HS6ST3: variants seen among roughly 807,000 people sequenced by gnomAD.
HS6ST3 encodes heparan sulfate 6-O-sulfotransferase 3, also known as heparan-sulfate 6-O-sulfotransferase 3.
In HS6ST3, 12 loss-of-function variants were observed where a neutral mutation model predicts 36.7. The observed-to-expected ratio is 0.33, with a 90% CI of 0.21 to 0.53. HS6ST3 has a LOEUF of 0.53. Among genes scored for constraint, HS6ST3 ranks in the 20% least tolerant of loss-of-function variants. HS6ST3 has a pLI of 0.95. For synonymous variants in HS6ST3, 240 were observed against 257.5 expected (o/e 0.93, Z 0.65); for missense variants, 584 against 640.9 (o/e 0.91, Z 0.96).
At chr13:96,725,466 C>A (rs1484762367) in intron 1 of HS6ST3, among the ~76,000 whole-genome samples, 1 of 152,120 alleles carries the variant, frequency 6.6e-6, no homozygotes, top group Non-Finnish European at 1.5e-5. Flanking sequence ...CAAAGATTTT[C>A]TCCTGTGCTT....
intron 1 of HS6ST3, among the ~76,000 whole-genome samples, chr13:96,145,512 C>G (rs1330864519): frequency 6.6e-6 from 1 of 151,798 alleles, no homozygotes; most frequent in African/African-American, 2.4e-5. Context: ...TTGTTTTTTT[C>G]TTGTAAATTT....
chr13:96,549,695 C>T (rs1335700430), intron 1 of HS6ST3, among the ~76,000 whole-genome samples: 1 of 152,056 alleles, frequency 6.6e-6, no homozygotes, highest in Non-Finnish European at 1.5e-5. Flanking sequence ...TATGAGAAGG[C>T]CTGAGAACAA....
intron 1 of HS6ST3, among the ~76,000 whole-genome samples, chr13:96,645,047 T>C (rs1030797993): frequency 6.6e-6 from 1 of 151,882 alleles, no homozygotes; most frequent in African/African-American, 2.4e-5. Flanking sequence ...CATGAAGAGA[T>C]TCAGAGGCCT....
At chr13:96,809,694 T>C (rs1878273698) in intron 1 of HS6ST3, among the ~76,000 whole-genome samples, 1 of 152,238 alleles carries the variant, frequency 6.6e-6, no homozygotes, top group Non-Finnish European at 1.5e-5. Context: ...TTATTTATCT[T>C]GGTACCCCAG....
At chr13:96,610,883 C>T (rs1013431448) in intron 1 of HS6ST3, among the ~76,000 whole-genome samples, 1 of 151,200 alleles carries the variant, frequency 6.6e-6, no homozygotes, top group Non-Finnish European at 1.5e-5. Context: ...AAAACAACCC[C>T]ACAACTTCAG....
chr13:96,639,192 A>T (rs2056561509), intron 1 of HS6ST3, among the ~76,000 whole-genome samples: 1 of 151,984 alleles, frequency 6.6e-6, no homozygotes, highest in Non-Finnish European at 1.5e-5. Flanking sequence ...AGTTTTTGTT[A>T]TATGTATTTT....
intron 1 of HS6ST3, among the ~76,000 whole-genome samples, chr13:96,419,851 A>G (rs2055554358): frequency 6.6e-6 from 1 of 152,058 alleles, no homozygotes; most frequent in Non-Finnish European, 1.5e-5. Context: ...CTATAAGGAC[A>G]CCAGTTTTGT....
At chr13:96,724,277 A>G (rs994203463) in intron 1 of HS6ST3, among the ~76,000 whole-genome samples, 1 of 152,264 alleles carries the variant, frequency 6.6e-6, no homozygotes, top group African/African-American at 2.4e-5. Flanking sequence ...TTTAGTGGTA[A>G]TTACATATGT....
At chr13:96,096,532 G>T (rs1204376763) in intron 1 of HS6ST3, among the ~76,000 whole-genome samples, 1 of 152,120 alleles carries the variant, frequency 6.6e-6, no homozygotes, top group Non-Finnish European at 1.5e-5. Flanking sequence ...AGAAAAAAAG[G>T]ATTATAAATG....
intron 1 of HS6ST3, among the ~76,000 whole-genome samples, chr13:96,261,324 A>G (rs553801625): frequency 6.7e-6 from 1 of 150,362 alleles, no homozygotes; most frequent in South Asian, 2.1e-4. Flanking sequence ...TTATATATAT[A>G]TGTATATATG....
intron 1 of HS6ST3, among the ~76,000 whole-genome samples, chr13:96,496,023 G>A (rs1271920332): frequency 6.6e-6 from 1 of 152,182 alleles, no homozygotes; most frequent in Non-Finnish European, 1.5e-5. Flanking sequence ...AATGGCAGAG[G>A]CCCCAGGCCT....
Position 96,833,405 on chromosome 13 carries a change from A to T in HS6ST3, c.*207A>T. ...TTTTCTTGACATTTTGCAATTGGTG[A>T]TATTAAGTAGGGTAGGAGTGCATCC... is the stretch of plus-strand genomic sequence containing the variant. On this transcript the variant is annotated 3_prime_UTR_variant, in exon 2 of 2. Coordinates refer to ENST00000376705, the MANE Select transcript of HS6ST3 (RefSeq NM_153456.4). The T allele has an allele frequency of 1.8e-6, 1 of 563,480 alleles. No homozygotes were observed. Among genetic ancestry groups the T allele is most frequent in the Non-Finnish European group, 3.1e-6 (1 of 324,042 alleles). 34.9% of individuals were successfully genotyped at this position (563,480 alleles called of 1,614,324 possible). A position where few individuals can be genotyped will look rare whatever the true frequency, so the allele number is the denominator to read the frequency against.
intron 1 of HS6ST3, among the ~76,000 whole-genome samples, chr13:96,705,060 C>T (rs1236643078): frequency 1.3e-5 from 2 of 152,172 alleles, no homozygotes; most frequent in African/African-American, 4.8e-5. Flanking sequence ...TATAGCCTCC[C>T]TCACTATTGA....
At chr13:96,513,546 C>T (rs1246698844) in intron 1 of HS6ST3, among the ~76,000 whole-genome samples, 1 of 152,088 alleles carries the variant, frequency 6.6e-6, no homozygotes, top group East Asian at 1.9e-4. Context: ...TCTTTCCCTT[C>T]CACTTCTTGG....
chr13:96,772,280 C>T (rs1025533227), intron 1 of HS6ST3, among the ~76,000 whole-genome samples: 16 of 152,152 alleles, frequency 1.1e-4, no homozygotes, highest in Non-Finnish European at 2.9e-5. Flanking sequence ...AAGGGGCTTG[C>T]CTTATTTTAA....
chr13:96,652,438 C>T (rs552252629), intron 1 of HS6ST3, among the ~76,000 whole-genome samples: 1 of 152,024 alleles, frequency 6.6e-6, no homozygotes, highest in African/African-American at 2.4e-5. Context: ...CATGTCCTTC[C>T]CTCCACTCCT....
intron 1 of HS6ST3, among the ~76,000 whole-genome samples, chr13:96,742,914 A>G (rs1876478050): frequency 6.6e-6 from 1 of 152,088 alleles, no homozygotes; most frequent in East Asian, 1.9e-4. Flanking sequence ...GAATGTAGGG[A>G]ATATTGAGAA....
chr13:96,785,638 G>A (rs534982958), intron 1 of HS6ST3, among the ~76,000 whole-genome samples: 16 of 152,026 alleles, frequency 1.1e-4, no homozygotes, highest in Admixed American at 2.6e-4. Context: ...ACAGATAAGC[G>A]CAGCATGGGC....
At chr13:96,606,317 A>G (rs141611456) in intron 1 of HS6ST3, among the ~76,000 whole-genome samples, 6 of 152,264 alleles carry the variant, frequency 3.9e-5, no homozygotes, top group African/African-American at 1.4e-4. Context: ...TGTAGAATCA[A>G]CTTATATGCC....
Sources: allele counts gnomAD v4.1 joint callset (sites outside exome capture counted in the v4.1 genomes callset), GRCh38; gene constraint gnomAD v4.1.1; transcripts MANE v1.5; gene names NCBI Gene and HGNC (gene_info 2026-07-23, HGNC 2026-07-21).